The following CRB2 variants were observed in gnomAD, a reference collection of about 807,000 sequenced individuals.
The protein encoded by CRB2 is protein crumbs homolog 2.
Under a neutral mutation model 110.9 loss-of-function variants are expected in CRB2, and 85 were observed. The ratio of observed to expected loss-of-function variants is 0.77; its 90% CI spans 0.64 to 0.92. CRB2 has a LOEUF of 0.92. Among genes scored for constraint, CRB2 ranks in the 40% least tolerant of loss-of-function variants. The probability of loss-of-function intolerance (pLI) is 0.00; values close to 1 mark genes in which losing one functional copy is unlikely to be tolerated. For missense variants in CRB2, 1,843 were observed against 1,851.3 expected, an observed-to-expected ratio of 1.00 and a Z score of 0.08; for synonymous variants, 907 against 831.0, an observed-to-expected ratio of 1.09 and a Z score of -1.57.
At chr9:123,371,725 G>GTA in intron 8 of CRB2, 147 bp downstream of exon 8, 1 of 1,120,502 alleles carries the variant, frequency 8.9e-7, no homozygotes, top group Non-Finnish European at 1.3e-6. Context: ...TCCCACTACA[G>GTA]GAGGGTGGCA....
intron 10 of CRB2, 73 bp from the exon 11 acceptor site, chr9:123,374,506 C>T (rs2042073147): frequency 1.8e-6 from 2 of 1,082,234 alleles, no homozygotes; most frequent in Non-Finnish European, 1.4e-6. Flanking sequence ...GCTCAGGTGG[C>T]CCACGGTCAC....
downstream of CRB2, among the ~76,000 whole-genome samples, chr9:123,379,108 G>T (rs530568369): frequency 1.0e-5 from 1 of 97,470 alleles, no homozygotes; most frequent in South Asian, 4.1e-4. Flanking sequence ...CCCGGCCCGC[G>T]TGCCTGTCGT....
chr9:123,379,472 G>A (rs1427776003), downstream of CRB2, among the ~76,000 whole-genome samples: 1 of 152,248 alleles, frequency 6.6e-6, no homozygotes, highest in Non-Finnish European at 1.5e-5. Context: ...TCTGTGAGGG[G>A]CAGAGCATGA....
At chr9:123,368,402 A>G (rs1054931058) in intron 6 of CRB2, among the ~76,000 whole-genome samples, 1 of 152,152 alleles carries the variant, frequency 6.6e-6, no homozygotes, top group African/African-American at 2.4e-5. Flanking sequence ...CACTGCCTCC[A>G]TGGGCCGAGG....
Position 123,372,260 on chromosome 9 carries a change from T to A in CRB2, c.2520T>A (p.Pro840=), listed in dbSNP as rs2042027471. 6.2e-7 allele frequency: 1 copy of A among 1,613,908 alleles called. No homozygotes were observed. The highest frequency in any genetic ancestry group is 1.3e-5 in the African/African-American group (1 of 74,930). Residue 840 remains proline (P), a synonymous_variant, in exon 9 of 13, where the codon CCT becomes CCA. Transcript: ENST00000373631. ...CCTGCCCTGCCAATTTCACGGGGCCTACGTGTGCCCAGCAGCTGTGGTGTC... is the reference window on the plus strand; with the variant it reads ...CCTGCCCTGCCAATTTCACGGGGCCAACGTGTGCCCAGCAGCTGTGGTGTC... ...HCTCPANFTG[P]TCAQQLWCPG... is the part of the protein sequence containing the mutation.
intron 1 of CRB2, among the ~76,000 whole-genome samples, chr9:123,359,447 T>G (rs1329198854): frequency 2.4e-5 from 3 of 122,822 alleles, no homozygotes; most frequent in African/African-American, 3.6e-5. Context: ...TTTTGTTTTT[T>G]TTTTTTTTTT....
At position 123,373,368 on chromosome 9, in the gene CRB2, T is replaced by C; in HGVS notation, c.2837T>C (p.Ile946Thr). ...GGCCTGCCCGGCGCTGTGCTGCCCA[T>C]ACCGGGGCCGCGCGTGGCCGATGGT... The part of the protein sequence containing the change: ...GHGLPGAVLP[I>T]PGPRVADGAW... Residue 946 changes from isoleucine to threonine, a missense_variant, in exon 10 of 13, where the codon ATA becomes ACA. Ile to Thr is a moderately conservative substitution (Grantham distance 89, BLOSUM62 -1). Transcript: ENST00000373631. 7.0e-7 allele frequency: 1 copy of C among 1,433,530 alleles called. No individual in the cohort carries two copies. The highest frequency in any genetic ancestry group is 9.1e-7 in the Non-Finnish European group (1 of 1,100,376). 88.8% of individuals were successfully genotyped at this position (1,433,530 alleles called of 1,614,324 possible).
chr9:123,373,473 C>A lies in CRB2; in HGVS notation c.2942C>A (p.Ala981Asp). ...TGGCTGCTGTGGCTGGATGGTGCCG[C>A]CACCCCGGTGGCGCTGCGCGGCCTG... Reference protein sequence around the residue: ...SRWLLWLDGAATPVALRGLAS... With the variant: ...SRWLLWLDGADTPVALRGLAS... Residue 981 changes from alanine (A) to aspartate (D), a missense_variant, in exon 10 of 13, where the codon GCC becomes GAC. Ala to Asp is a moderately radical substitution (Grantham distance 126). Coordinates refer to ENST00000373631, the MANE Select transcript of CRB2 (RefSeq NM_173689.7). 6.9e-7 allele frequency: 1 copy of A among 1,453,616 alleles called. No homozygotes were observed. The highest frequency in any genetic ancestry group is 9.0e-7 in the Non-Finnish European group (1 of 1,111,338). The allele number at this position is 1,453,616 out of a possible 1,614,324, so 90.0% of individuals were successfully genotyped here.
At chr9:123,363,307 G>A in intron 2 of CRB2, 119 bp downstream of exon 2, 1 of 1,090,476 alleles carries the variant, frequency 9.2e-7, no homozygotes. Flanking sequence ...AGGCATCCGG[G>A]CAGCTCTAGG....
chr9:123,365,992 T>C lies in CRB2; in HGVS notation c.494T>C (p.Val165Ala), dbSNP rs757402732. ...CACGGGGGCTCGTGCCTGGACGGCG[T>C]GGGCTCCTTCCGCTGTGTGTGCGCG... Reference protein sequence around the residue: ...CLHGGSCLDGVGSFRCVCAPG... With the variant: ...CLHGGSCLDGAGSFRCVCAPG... The change falls in exon 3 of 13, where the codon GTG (valine) becomes GCG (alanine). Residue 165 changes from valine (V) to alanine (A), a missense_variant. Transcript: ENST00000373631. 2 of 1,597,128 alleles carry C rather than the reference T, an allele frequency of 1.3e-6. No individual in the cohort carries two copies. The highest frequency in any genetic ancestry group is 1.1e-5 in the South Asian group (1 of 90,704).
chr9:123,365,160 A>G (rs868793), intron 2 of CRB2, among the ~76,000 whole-genome samples: 58,193 of 152,048 alleles, frequency 0.38, 11,196 homozygotes, highest in East Asian at 0.4. Context: ...CTACTCTGCA[A>G]TCTGAGGCAC....
At chr9:123,368,583 G>A (rs1227838576) in intron 6 of CRB2, among the ~76,000 whole-genome samples, 1 of 152,248 alleles carries the variant, frequency 6.6e-6, no homozygotes, top group Non-Finnish European at 1.5e-5. Flanking sequence ...GAGGATGAGG[G>A]GGTGTCATCC....
chr9:123,363,226 G>A, intron 2 of CRB2, 38 bp downstream of exon 2: 1 of 1,556,616 alleles, frequency 6.4e-7, no homozygotes, highest in Non-Finnish European at 8.7e-7. Flanking sequence ...GGTCTGTAAT[G>A]CAGATCGCAT....
intron 12 of CRB2, among the ~76,000 whole-genome samples, chr9:123,376,383 C>T (rs971308239): frequency 5.9e-5 from 9 of 152,144 alleles, no homozygotes; most frequent in East Asian, 3.9e-4. Context: ...AAGCCTGGGC[C>T]GAGGCTCGCA....
In CRB2 at chr9:123,373,832, G is replaced by A. The variant is rs778483904; in HGVS notation, c.3301G>A (p.Ala1101Thr). The A allele has an allele frequency of 6.4e-7, 1 of 1,570,186 alleles. No homozygotes were observed. Among genetic ancestry groups the A allele is most frequent in the East Asian group, 2.3e-5 (1 of 42,838 alleles). The change falls in exon 10 of 13, where the codon GCC becomes ACC. Residue 1101 changes from alanine to threonine, a missense_variant. Transcript: ENST00000373631. ...AGCCCACGTCGACCCCTGTCACTCC[G>A]CCCCCTGCGCCCGTGGCCGCTGTCA... The part of the protein sequence containing the change: ...CEAHVDPCHS[A>T]PCARGRCHTH...
upstream of CRB2, among the ~76,000 whole-genome samples, chr9:123,354,301 G>A (rs765799559): frequency 2.6e-5 from 4 of 152,344 alleles, no homozygotes; most frequent in East Asian, 1.9e-4. Flanking sequence ...CTGGACCTGC[G>A]CCGGGTGACC....
Position 123,377,561 on chromosome 9 carries a change from G to C in CRB2, c.*499G>C, listed in dbSNP as rs918444988. 6.5e-6 allele frequency: 1 copy of C among 152,728 alleles called. No individual in the cohort carries two copies. The highest frequency in any genetic ancestry group is 1.5e-5 in the Non-Finnish European group (1 of 68,400). The allele number at this position is 152,728 out of a possible 1,614,324, so 9.5% of individuals were successfully genotyped here. Reference sequence around the variant, plus strand: ...AGTCCTAGGGCAGGGGCGGCCCAAGGCTGCATGTTCTCCAGGAGGCCAGGC... The same window carrying C: ...AGTCCTAGGGCAGGGGCGGCCCAAGCCTGCATGTTCTCCAGGAGGCCAGGC... On this transcript the variant is annotated 3_prime_UTR_variant, in exon 13 of 13. Transcript: ENST00000373631.
intron 10 of CRB2, among the ~76,000 whole-genome samples, chr9:123,374,278 G>T (rs1375131263): frequency 6.6e-6 from 1 of 151,960 alleles, no homozygotes; most frequent in Non-Finnish European, 1.5e-5. Flanking sequence ...GCGTGTGGAA[G>T]GGGATCTGGC....
At chr9:123,368,305 C>T (rs1305490345) in intron 6 of CRB2, among the ~76,000 whole-genome samples, 2 of 152,104 alleles carry the variant, frequency 1.3e-5, no homozygotes, top group Admixed American at 1.3e-4. Context: ...GTCACCTCTT[C>T]CCCTCTCTCA....
Sources: gnomAD v4.1 joint callset for allele counts (sites outside exome capture counted in the v4.1 genomes callset) on GRCh38, gnomAD v4.1.1 for gene constraint, MANE v1.5 for transcripts, NCBI Gene and HGNC (gene_info 2026-07-23, HGNC 2026-07-21) for gene names.